ALOX15B: variants seen among roughly 807,000 people sequenced by gnomAD.
The protein encoded by ALOX15B is arachidonate 15-lipoxygenase type B.
ALOX15B carries 74 observed loss-of-function variants against 73.8 expected under a neutral mutation model. The observed-to-expected ratio is 1.00, with a 90% CI of 0.83 to 1.22. The LOEUF (loss-of-function observed/expected upper bound fraction) is 1.22, where lower values mean the gene tolerates loss of function less well. Among genes scored for constraint, ALOX15B ranks in the 50% most tolerant of loss-of-function variants. ALOX15B has a pLI of 0.00. For missense variants in ALOX15B, 896 were observed against 859.9 expected (o/e 1.04, Z -0.52); for synonymous variants, 353 against 357.2 (o/e 0.99, Z 0.13).
At position 8,044,155 on chromosome 17, in the gene ALOX15B, A is replaced by AAG. The variant is rs1976540367; in HGVS notation, c.677-674_677-673insAG. On this transcript the variant is annotated intron_variant, in intron 5 of 13. Transcript: ENST00000380183. Reference sequence around the variant, plus strand: ...AGGAAGGAAGGAAGGAAGGAAGGAAAGAAAGAAAAGGAAAAAGGAAAAGGC... The same window carrying AAG: ...AGGAAGGAAGGAAGGAAGGAAGGAAAAGGAAAGAAAAGGAAAAAGGAAAAGGC... Among the ~76,000 whole-genome samples the AAG allele has an allele frequency of 1.3e-4, 7 of 52,298 alleles. No homozygotes were observed. The South Asian group carries it at 1.6e-3, about 12-fold the overall frequency. The allele number at this position is 52,298 out of a possible 152,430, so 34.3% of individuals were successfully genotyped here. A position where few individuals can be genotyped will look rare whatever the true frequency, so the allele number is the denominator to read the frequency against.
chr17:8,044,770 C>A, intron 5 of ALOX15B, 59 bp from the exon 6 acceptor site: 2 of 1,216,600 alleles, frequency 1.6e-6, no homozygotes, highest in East Asian at 2.8e-5. Context: ...CCGTGTCCCC[C>A]ACCCCCTGCA....
intron 3 of ALOX15B, among the ~76,000 whole-genome samples, chr17:8,040,308 G>T (rs1039525820): frequency 1.3e-5 from 2 of 152,054 alleles, no homozygotes; most frequent in African/African-American, 4.8e-5. Context: ...ACTTTGGGAG[G>T]CTGAGGGAGG....
Position 8,039,129 on chromosome 17 carries a change from G to A in ALOX15B, c.-27G>A. ...GCCCCGCTCTGCAGCCCTGTGCGCCGTAGAGAGCTGGACTTAGGCTGGCAG... is the reference window on the plus strand; with the variant it reads ...GCCCCGCTCTGCAGCCCTGTGCGCCATAGAGAGCTGGACTTAGGCTGGCAG... On this transcript the variant is annotated 5_prime_UTR_variant, in exon 1 of 14. Coordinates refer to ENST00000380183, the MANE Select transcript of ALOX15B (RefSeq NM_001141.3). 2 of 1,608,074 alleles carry A rather than the reference G, an allele frequency of 1.2e-6. No individual in the cohort carries two copies. Among genetic ancestry groups the A allele is most frequent in the Non-Finnish European group, 1.7e-6 (2 of 1,177,324 alleles).
intron 6 of ALOX15B, 113 bp downstream of exon 6, chr17:8,045,114 T>G: frequency 6.3e-7 from 1 of 1,585,442 alleles, no homozygotes. Flanking sequence ...TACCGCGTGC[T>G]GCGTGCCAAG....
Position 8,044,809 on chromosome 17 carries a change from C to A in ALOX15B, c.677-20C>A. The A allele has an allele frequency of 1.2e-6, 2 of 1,600,764 alleles. No individual in the cohort carries two copies. Among genetic ancestry groups the A allele is most frequent in the Non-Finnish European group, 1.7e-6 (2 of 1,171,328 alleles). ...CACGCATTTGAGTGACCCCGTTCCC[C>A]TGTCCCCCACCCCCTGCAGAGCACG... is the stretch of plus-strand genomic sequence containing the variant. On this transcript the variant is annotated intron_variant, in intron 5 of 13. Transcript: ENST00000380183.
intron 5 of ALOX15B, among the ~76,000 whole-genome samples, chr17:8,043,794 C>A (rs904274368): frequency 1.3e-5 from 2 of 152,058 alleles, no homozygotes; most frequent in Non-Finnish European, 2.9e-5. Flanking sequence ...TCCGGCTGGG[C>A]GCAGTGGCTC....
At chr17:8,044,686 G>C (rs1170486680) in intron 5 of ALOX15B, 143 bp from the exon 6 acceptor site, 1 of 691,100 alleles carries the variant, frequency 1.4e-6, no homozygotes, top group African/African-American at 1.8e-5. Flanking sequence ...GAAGACAAGG[G>C]GCAGGGGAGG....
rs765779158 is a variant in ALOX15B at position 8,042,860 on chromosome 17, A to G, written c.652A>G (p.Asn218Asp). 6.4e-7 allele frequency: 1 copy of G among 1,554,036 alleles called. No individual in the cohort carries two copies. Among genetic ancestry groups the G allele is most frequent in the South Asian group, 1.2e-5 (1 of 84,186 alleles). The change falls in exon 5 of 14, where the codon AAC (asparagine) becomes GAC (aspartate). Residue 218 changes from asparagine to aspartate, a missense_variant. Physicochemically the swap from Asn to Asp is conservative, Grantham distance 23. Transcript: ENST00000380183. ...RSLNEMKRIFNFRRTPAAEHA... is the reference protein window; with the variant it reads ...RSLNEMKRIFDFRRTPAAEHA... ...TCTGAATGAGATGAAAAGGATCTTC[A>G]ACTTCCGGAGGACCCCAGCAGCTGG...
Position 8,048,886 on chromosome 17 carries a change from G to T in ALOX15B, c.*321G>T. 4.5e-6 allele frequency: 1 copy of T among 220,764 alleles called. No individual in the cohort carries two copies. The highest frequency in any genetic ancestry group is 8.9e-6 in the Non-Finnish European group (1 of 112,268). 13.7% of individuals were successfully genotyped at this position (220,764 alleles called of 1,614,324 possible). On this transcript the variant is annotated 3_prime_UTR_variant, in exon 14 of 14. Transcript: ENST00000380183. ...TGGTTTTGTTTTGCGTTTTACAGCC[G>T]TGGGGGGAAGCACATAATCCCGCCC...
Position 8,044,809 on chromosome 17 carries a change from CT to C in ALOX15B, c.677-19del, listed in dbSNP as rs750970244. On this transcript the variant is annotated intron_variant, in intron 5 of 13. Transcript: ENST00000380183. ...CACGCATTTGAGTGACCCCGTTCCC[CT>C]GTCCCCCACCCCCTGCAGAGCACGC... 1.9e-6 allele frequency: 3 copies of C among 1,600,646 alleles called. No homozygotes were observed. The East Asian group carries it at 6.7e-5, about 36-fold the overall frequency.
At chr17:8,042,138 G>A (rs1306121325) in intron 3 of ALOX15B, among the ~76,000 whole-genome samples, 1 of 152,210 alleles carries the variant, frequency 6.6e-6, no homozygotes, top group Non-Finnish European at 1.5e-5. Flanking sequence ...CTAGTCAGGT[G>A]CTCAACTCTG....
chr17:8,044,476 T>C (rs1287442161), intron 5 of ALOX15B, among the ~76,000 whole-genome samples: 4 of 151,316 alleles, frequency 2.6e-5, no homozygotes, highest in South Asian at 2.1e-4. Flanking sequence ...GTCTCCTCTG[T>C]AGGCAACTGG....
chr17:8,039,926 AC>A lies in ALOX15B; in HGVS notation c.395del (p.Pro132LeufsTer64). ...GTAKVSWADH[H>X]PVLQQQRQEE... The stretch of plus-strand genomic sequence containing the variant: ...GCCAAGGTGTCCTGGGCAGACCACC[AC>A]CCTGTGCTCCAGCAACAGCGCCAGG... On this transcript the variant is annotated frameshift_variant, in exon 3 of 14. Transcript: ENST00000380183. LOFTEE classifies it high-confidence loss of function. 2 of 1,612,826 alleles carry A rather than the reference AC, an allele frequency of 1.2e-6. No homozygotes were observed. Among genetic ancestry groups the A allele is most frequent in the Non-Finnish European group, 8.5e-7 (1 of 1,179,572 alleles).
At chr17:8,046,836 T>C (rs1976622806) in intron 9 of ALOX15B, 71 bp from the exon 10 acceptor site, 1 of 1,611,188 alleles carries the variant, frequency 6.2e-7, no homozygotes, top group South Asian at 1.1e-5. Flanking sequence ...GAGTGGCCCA[T>C]CTCCCCGACA....
rs192653434 is a variant in ALOX15B at position 8,047,871 on chromosome 17, G to A, written c.1807G>A (p.Val603Ile). 3.7e-6 allele frequency: 6 copies of A among 1,614,204 alleles called. No individual in the cohort carries two copies. In the East Asian group the frequency reaches 8.9e-5, roughly 24 times the overall value. The change falls in exon 13 of 14, where the codon GTC (valine) becomes ATC (isoleucine). Residue 603 changes from valine to isoleucine, a missense_variant. Val to Ile is a conservative substitution (Grantham distance 29). Transcript: ENST00000380183. ...CCCACCTGTCAATGCCACATGTGAT[G>A]TCATCCTTGCTCTCTGGTTGCTGAG... ...TLPPVNATCD[V>I]ILALWLLSKE...
intron 3 of ALOX15B, among the ~76,000 whole-genome samples, chr17:8,040,453 A>T (rs1409805767): frequency 6.6e-6 from 1 of 151,616 alleles, no homozygotes; most frequent in South Asian, 2.1e-4. Flanking sequence ...GCTGAGGCAG[A>T]AGAATAGCTT....
chr17:8,044,767 C>A, intron 5 of ALOX15B, 62 bp from the exon 6 acceptor site: 1 of 1,133,178 alleles, frequency 8.8e-7, no homozygotes, highest in Non-Finnish European at 1.2e-6. Context: ...TCCCCGTGTC[C>A]CCCACCCCCT....
intron 3 of ALOX15B, 46 bp from the exon 4 acceptor site, chr17:8,042,323 T>C (rs1425172368): frequency 6.2e-7 from 1 of 1,603,080 alleles, no homozygotes; most frequent in African/African-American, 1.3e-5. Flanking sequence ...TAGCAAAGAG[T>C]CTCCCTGAGG....
At chr17:8,042,676 G>C in intron 4 of ALOX15B, 105 bp from the exon 5 acceptor site, 6 of 1,334,644 alleles carry the variant, frequency 4.5e-6, no homozygotes, top group Admixed American at 2.1e-5. Flanking sequence ...TGACTACCTT[G>C]GGCCCGGAGG....
Sources: allele counts gnomAD v4.1 joint callset (sites outside exome capture counted in the v4.1 genomes callset), GRCh38; gene constraint gnomAD v4.1.1; transcripts MANE v1.5; gene names NCBI Gene and HGNC (gene_info 2026-07-23, HGNC 2026-07-21).